Variants in CMSS1 observed in about 807,000 individuals in gnomAD.
The protein encoded by CMSS1 is protein CMSS1.
In CMSS1, 33 loss-of-function variants were observed where a neutral mutation model predicts 43.5. That is an observed-to-expected ratio of 0.76 (90% CI 0.57 to 1.01). The LOEUF is 1.01. CMSS1 is among the 50% of genes least tolerant of loss of function. CMSS1 has a pLI of 0.00. For missense variants in CMSS1, 313 were observed against 326.4 expected (o/e 0.96, Z 0.32); for synonymous variants, 115 against 117.2 (o/e 0.98, Z 0.12).
At chr3:99,882,221 T>G (rs577560474) in intron 1 of CMSS1, among the ~76,000 whole-genome samples, 1 of 152,290 alleles carries the variant, frequency 6.6e-6, no homozygotes, top group East Asian at 1.9e-4. Context: ...TTTATGAAAA[T>G]TACATTTTAA....
intron 1 of CMSS1, among the ~76,000 whole-genome samples, chr3:99,842,618 C>T (rs563603098): frequency 6.6e-6 from 1 of 151,624 alleles, no homozygotes; most frequent in Admixed American, 6.6e-5. Flanking sequence ...TTCAGTTTTT[C>T]AAAATATTGC....
chr3:100,150,687 C>G (rs549216717), intron 2 of CMSS1, among the ~76,000 whole-genome samples: 1 of 152,306 alleles, frequency 6.6e-6, no homozygotes, highest in East Asian at 1.9e-4. Flanking sequence ...CATCCTTGGC[C>G]TGCTTAATAA....
At chr3:99,849,417 T>C (rs1478551567) in intron 1 of CMSS1, 1 of 1,614,236 alleles carries the variant, frequency 6.2e-7, no homozygotes, top group South Asian at 1.1e-5. Context: ...TCCTGTTTTC[T>C]TGTTGATTTA....
chr3:99,976,673 CTTTATT>C (rs1401578749), intron 1 of CMSS1, among the ~76,000 whole-genome samples: 2 of 151,858 alleles, frequency 1.3e-5, no homozygotes, highest in Non-Finnish European at 2.9e-5. Context: ...AAGATTTATT[CTTTATT>C]TTTAGTTTTC....
chr3:100,046,971 G>T (rs1559738465), intron 1 of CMSS1, among the ~76,000 whole-genome samples: 2 of 152,320 alleles, frequency 1.3e-5, no homozygotes, highest in Non-Finnish European at 2.9e-5. Context: ...TGGAGAAAGA[G>T]GCTGTTATTT....
At chr3:100,001,499 A>G (rs1276497628) in intron 1 of CMSS1, among the ~76,000 whole-genome samples, 1 of 152,192 alleles carries the variant, frequency 6.6e-6, no homozygotes, top group African/African-American at 2.4e-5. Context: ...AGTTTATGAG[A>G]ATGTATTGGT....
intron 1 of CMSS1, among the ~76,000 whole-genome samples, chr3:100,140,801 T>C (rs1451076575): frequency 6.6e-6 from 1 of 151,664 alleles, no homozygotes; most frequent in East Asian, 1.9e-4. Context: ...AAATTAAATA[T>C]AAAAGAAAAA....
At chr3:100,097,379 T>A (rs950763607) in intron 1 of CMSS1, among the ~76,000 whole-genome samples, 2 of 152,220 alleles carry the variant, frequency 1.3e-5, no homozygotes, top group Non-Finnish European at 2.9e-5. Flanking sequence ...GCATGGATTA[T>A]ATGCAAATAC....
At chr3:99,880,715 G>A (rs181651129) in intron 1 of CMSS1, among the ~76,000 whole-genome samples, 1 of 151,602 alleles carries the variant, frequency 6.6e-6, no homozygotes, top group Admixed American at 6.6e-5. Context: ...AAATTAATAG[G>A]CACCCTTCAT....
chr3:99,959,741 C>T (rs1379713931), intron 1 of CMSS1, among the ~76,000 whole-genome samples: 1 of 152,156 alleles, frequency 6.6e-6, no homozygotes, highest in African/African-American at 2.4e-5. Context: ...ACTGGATTAT[C>T]ACATTAGCTC....
intron 1 of CMSS1, among the ~76,000 whole-genome samples, chr3:99,977,442 C>T (rs2107727252): frequency 6.6e-6 from 1 of 151,806 alleles, no homozygotes; most frequent in South Asian, 2.1e-4. Context: ...GGCCTATGGG[C>T]AATAGAAGTG....
At chr3:99,878,686 G>A (rs760146781) in intron 1 of CMSS1, among the ~76,000 whole-genome samples, 6 of 152,170 alleles carry the variant, frequency 3.9e-5, no homozygotes, top group Non-Finnish European at 5.9e-5. Context: ...TGGCAGCAAC[G>A]TATCTTGTTC....
At position 100,178,638 on chromosome 3, in the gene CMSS1, A is replaced by G. The variant is rs939017150; in HGVS notation, c.*250A>G. ...AGCGGACCGTGTTTTTCTGTCACCA[A>G]CTGGCTTCTGATGTAACTGTGCAGG... On this transcript the variant is annotated 3_prime_UTR_variant, in exon 10 of 10. Transcript: ENST00000421999. 15 of 361,848 alleles carry G rather than the reference A, an allele frequency of 4.1e-5. No individual in the cohort carries two copies. Among genetic ancestry groups the G allele is most frequent in the Admixed American group, 8.7e-5 (2 of 22,970 alleles). 22.4% of individuals were successfully genotyped at this position (361,848 alleles called of 1,614,324 possible). A position where few individuals can be genotyped will look rare whatever the true frequency, so the allele number is the denominator to read the frequency against.
At chr3:100,156,299 C>CTTTTTTT (rs34413816) in intron 2 of CMSS1, among the ~76,000 whole-genome samples, 35 of 73,112 alleles carry the variant, frequency 4.8e-4, no homozygotes, top group Non-Finnish European at 5.4e-4. Flanking sequence ...AATTTTTTTT[C>CTTTTTTT]TTTTTTTTTT....
intron 1 of CMSS1, chr3:99,876,169 A>T: frequency 1.0e-6 from 1 of 985,548 alleles, no homozygotes; most frequent in Non-Finnish European, 1.2e-6. Context: ...TCGCCCGAAC[A>T]ATGCGAGCGG....
chr3:100,061,254 G>C (rs923889510), intron 1 of CMSS1, among the ~76,000 whole-genome samples: 1 of 152,168 alleles, frequency 6.6e-6, no homozygotes, highest in Non-Finnish European at 1.5e-5. Flanking sequence ...TGTACACACT[G>C]AGTATGTTTG....
intron 1 of CMSS1, among the ~76,000 whole-genome samples, chr3:100,070,912 T>G (rs1211093884): frequency 6.6e-6 from 1 of 152,208 alleles, no homozygotes; most frequent in Non-Finnish European, 1.5e-5. Context: ...ATTATAGGCA[T>G]GAGTCACCGC....
intron 1 of CMSS1, among the ~76,000 whole-genome samples, chr3:100,039,577 G>A (rs1296815614): frequency 6.6e-6 from 1 of 152,060 alleles, no homozygotes; most frequent in African/African-American, 2.4e-5. Context: ...TACCAAATAA[G>A]ATCTAGGAAA....
intron 1 of CMSS1, among the ~76,000 whole-genome samples, chr3:99,914,734 A>G (rs1175492560): frequency 6.6e-6 from 1 of 152,258 alleles, no homozygotes; most frequent in Non-Finnish European, 1.5e-5. Flanking sequence ...AACAATAATC[A>G]GAAAGGCATA....
Sources: gnomAD v4.1 joint callset for allele counts (sites outside exome capture counted in the v4.1 genomes callset) on GRCh38, gnomAD v4.1.1 for gene constraint, MANE v1.5 for transcripts, NCBI Gene and HGNC (gene_info 2026-07-23, HGNC 2026-07-21) for gene names.